SCN1A: variants seen among roughly 807,000 people sequenced by gnomAD.
The protein encoded by SCN1A is sodium channel protein type 1 subunit alpha.
SCN1A carries 13 observed loss-of-function variants against 193.7 expected under a neutral mutation model. The ratio of observed to expected loss-of-function variants is 0.07; its 90% confidence interval spans 0.04 to 0.11. The LOEUF (loss-of-function observed/expected upper bound fraction) is 0.11. Among genes scored for constraint, SCN1A ranks in the 10% least tolerant of loss-of-function variants. The pLI is 1.00. For missense variants in SCN1A, 1,432 were observed against 2,451.1 expected (o/e 0.58, Z 8.78); for synonymous variants, 781 against 843.6 (o/e 0.93, Z 1.29).
At chr2:166,125,490 C>T (rs966562473) in intron 2 of SCN1A, among the ~76,000 whole-genome samples, 6 of 152,138 alleles carry the variant, frequency 3.9e-5, no homozygotes, top group African/African-American at 9.7e-5. Flanking sequence ...TGGTGACGTC[C>T]TAGAGGTAAC....
Position 165,986,939 on chromosome 2 carries a change from T to C in SCN1A, c.*4306A>G, listed in dbSNP as rs191707326. On this transcript the variant is annotated 3_prime_UTR_variant, in exon 29 of 29. Coordinates refer to ENST00000674923, the MANE Select transcript of SCN1A (RefSeq NM_001165963.4). ...CTAGTCTTAACAAAATTAGGAAAAT[T>C]AACACTATTATAATACTAATAACTA... is the stretch of plus-strand genomic sequence containing the variant. The C allele has an allele frequency of 6.6e-6, 1 of 152,232 alleles. No individual in the cohort carries two copies. The highest frequency in any genetic ancestry group is 1.5e-5 in the Non-Finnish European group (1 of 67,980). The allele number at this position is 152,232 out of a possible 1,614,324, so 9.4% of individuals were successfully genotyped here. A position where few individuals can be genotyped will look rare whatever the true frequency, so the allele number is the denominator to read the frequency against.
chr2:165,991,818 T>A lies in SCN1A; in HGVS notation c.5457A>T (p.Ala1819=). The change falls in exon 29 of 29, where the codon GCA becomes GCT. Residue 1819 remains alanine, a synonymous_variant. Transcript: ENST00000674923. Reference sequence around the variant, plus strand: ...ATTTTTCAAATTCCATGAACTGAGTTGCATCGGGATCAAACTTCTCCCAAA... The same window carrying A: ...ATTTTTCAAATTCCATGAACTGAGTAGCATCGGGATCAAACTTCTCCCAAA... ...YEVWEKFDPD[A]TQFMEFEKLS... 1.2e-6 allele frequency: 2 copies of A among 1,613,952 alleles called. No homozygotes were observed. Among genetic ancestry groups the A allele is most frequent in the Admixed American group, 3.3e-5 (2 of 59,986 alleles).
In SCN1A at chr2:165,988,114, T is replaced by A. The variant is rs1688722018; in HGVS notation, c.*3131A>T. 6.6e-6 allele frequency: 1 copy of A among 152,140 alleles called. No homozygotes were observed. Among genetic ancestry groups the A allele is most frequent in the Non-Finnish European group, 1.5e-5 (1 of 68,028 alleles). 9.4% of individuals were successfully genotyped at this position (152,140 alleles called of 1,614,324 possible). On this transcript the variant is annotated 3_prime_UTR_variant, in exon 29 of 29. Transcript: ENST00000674923. ...GCTTCTCGTTCCTCAGAAATTTAGATAGATTAATTTAGACTGTTAATTTTA... is the reference window on the plus strand; with the variant it reads ...GCTTCTCGTTCCTCAGAAATTTAGAAAGATTAATTTAGACTGTTAATTTTA...
rs1392862786 is a variant in SCN1A at position 166,040,068 on chromosome 2, G to A, written c.2416-472C>T. 2.6e-5 allele frequency among the ~76,000 whole-genome samples: 4 copies of A among 151,802 alleles called. No homozygotes were observed. The South Asian group carries it at 6.3e-4, about 24-fold the overall frequency. Reference sequence around the variant, plus strand: ...CGAGTAGCTGGGACTACAGGCGCCCGCCACCACGCCCGCCTAATTTTTTGT... The same window carrying A: ...CGAGTAGCTGGGACTACAGGCGCCCACCACCACGCCCGCCTAATTTTTTGT... On this transcript the variant is annotated intron_variant, in intron 16 of 28. Coordinates refer to ENST00000674923, the MANE Select transcript of SCN1A (RefSeq NM_001165963.4).
At chr2:166,052,688 T>C (rs1698710781) in intron 8 of SCN1A, among the ~76,000 whole-genome samples, 164 bp downstream of exon 8, 1 of 151,870 alleles carries the variant, frequency 6.6e-6, no homozygotes, top group Non-Finnish European at 1.5e-5. Context: ...CATAAGACAT[T>C]GTTAAACTCC....
intron 2 of SCN1A, among the ~76,000 whole-genome samples, chr2:166,085,063 G>C (rs1203598120): frequency 1.3e-5 from 2 of 152,138 alleles, no homozygotes; most frequent in African/African-American, 4.8e-5. Flanking sequence ...GACCACCCCT[G>C]TATATGAGTC....
Position 166,051,641 on chromosome 2 carries a change from C to T in SCN1A, c.964+78G>A. 4.4e-6 allele frequency: 5 copies of T among 1,136,562 alleles called. No individual in the cohort carries two copies. In the South Asian group the frequency reaches 4.5e-5, roughly 10 times the overall value. 70.4% of individuals were successfully genotyped at this position (1,136,562 alleles called of 1,614,324 possible). ...CATCATGTAAAATGGGATATCCAGC[C>T]CCTCAAGTATTTATCCTTTGTGTTA... On this transcript the variant is annotated intron_variant, in intron 9 of 28. Coordinates refer to ENST00000674923, the MANE Select transcript of SCN1A (RefSeq NM_001165963.4).
chr2:166,001,774 G>A (rs1690883625), intron 24 of SCN1A, among the ~76,000 whole-genome samples: 1 of 150,854 alleles, frequency 6.6e-6, no homozygotes, highest in Non-Finnish European at 1.5e-5. Flanking sequence ...TAATATTTAG[G>A]ACAAAATAGA....
In SCN1A at chr2:166,090,029, CTTTTTTTT is replaced by C. The variant is rs545740675; in HGVS notation, c.-141-12236_-141-12229del. Among the ~76,000 whole-genome samples, 277 of 71,418 alleles carry C rather than the reference CTTTTTTTT, an allele frequency of 3.9e-3. 1 individual carries two copies. Among genetic ancestry groups the C allele is most frequent in the African/African-American group, 0.014 (268 of 18,838 alleles). The allele number at this position is 71,418 out of a possible 152,430, so 46.9% of individuals were successfully genotyped here. The stretch of plus-strand genomic sequence containing the variant: ...TCTTCCTTCCTTCCTTCCTTCTTTC[CTTTTTTTT>C]TTTTTTTTTTTTTTTTTTTTGATAT... On this transcript the variant is annotated intron_variant, in intron 2 of 28. Coordinates refer to ENST00000674923, the MANE Select transcript of SCN1A (RefSeq NM_001165963.4).
intron 4 of SCN1A, among the ~76,000 whole-genome samples, chr2:166,068,295 A>G (rs996664417): frequency 1.3e-5 from 2 of 152,220 alleles, no homozygotes; most frequent in African/African-American, 4.8e-5. Flanking sequence ...AAAAATGCCA[A>G]GCATCATTTT....
intron 7 of SCN1A, 122 bp from the exon 8 acceptor site, chr2:166,053,065 G>A: frequency 7.1e-7 from 1 of 1,412,666 alleles, no homozygotes; most frequent in Non-Finnish European, 1.0e-6. Context: ...AGTTTTCAAA[G>A]CTCTCAAGAC....
At position 166,009,797 on chromosome 2, in the gene SCN1A, T is replaced by A. The variant is rs121917910; in HGVS notation, c.3924A>T (p.Glu1308Asp). Reference sequence around the variant, plus strand: ...TCCTGAGAGATTTGATGGCTCCAAGTTCTGAGTAACCCAAGGCATTTGCTG... The same window carrying A: ...TCCTGAGAGATTTGATGGCTCCAAGATCTGAGTAACCCAAGGCATTTGCTG... Reference protein sequence around the residue: ...SLTANALGYSELGAIKSLRTL... With the variant: ...SLTANALGYSDLGAIKSLRTL... Residue 1308 changes from glutamate (E) to aspartate (D), a missense_variant, in exon 23 of 29, where the codon GAA becomes GAT. By Grantham distance (45) the Glu-to-Asp change is conservative. Coordinates refer to ENST00000674923, the MANE Select transcript of SCN1A (RefSeq NM_001165963.4). The A allele has an allele frequency of 8.5e-4, 1,369 of 1,607,484 alleles. No individual in the cohort carries two copies. The highest frequency in any genetic ancestry group is 1.1e-3 in the Non-Finnish European group (1,246 of 1,175,332).
intron 16 of SCN1A, 58 bp from the exon 17 acceptor site, chr2:166,039,654 A>G: frequency 6.8e-7 from 1 of 1,467,274 alleles, no homozygotes. Flanking sequence ...ATGACATAAG[A>G]TTTGCTCTTA....
chr2:166,118,989 T>C (rs1193862692), intron 2 of SCN1A, among the ~76,000 whole-genome samples: 1 of 152,198 alleles, frequency 6.6e-6, no homozygotes, highest in Non-Finnish European at 1.5e-5. Context: ...CATTAGAATC[T>C]CATAAGGAGC....
At chr2:166,103,054 CT>C (rs1375556328) in intron 2 of SCN1A, among the ~76,000 whole-genome samples, 4 of 147,190 alleles carry the variant, frequency 2.7e-5, no homozygotes, top group Non-Finnish European at 6.0e-5. Context: ...TCAAGCCTGA[CT>C]TTAGATTTGG....
chr2:166,101,991 T>C (rs866463667), intron 2 of SCN1A, among the ~76,000 whole-genome samples: 2 of 152,214 alleles, frequency 1.3e-5, no homozygotes, highest in South Asian at 2.1e-4. Flanking sequence ...GAAGGTCTAA[T>C]ATCCAGTATC....
chr2:166,011,865 G>T (rs1467435798), intron 22 of SCN1A, among the ~76,000 whole-genome samples: 1 of 151,160 alleles, frequency 6.6e-6, no homozygotes, highest in Non-Finnish European at 1.5e-5. Flanking sequence ...CTGATGTGTT[G>T]TTTTTTCTTT....
intron 10 of SCN1A, 60 bp downstream of exon 10, chr2:166,048,826 G>T: frequency 9.4e-7 from 1 of 1,062,972 alleles, no homozygotes; most frequent in South Asian, 1.3e-5. Context: ...AGAGAGAAAA[G>T]ATACACATAT....
At chr2:166,138,704 C>G (rs1166041118) in intron 1 of SCN1A, among the ~76,000 whole-genome samples, 2 of 152,100 alleles carry the variant, frequency 1.3e-5, no homozygotes, top group African/African-American at 4.8e-5. Context: ...GGGGTCAGAG[C>G]CCCCACACAG....
Sources: gnomAD v4.1 joint callset for allele counts (sites outside exome capture counted in the v4.1 genomes callset) on GRCh38, gnomAD v4.1.1 for gene constraint, MANE v1.5 for transcripts, NCBI Gene and HGNC (gene_info 2026-07-23, HGNC 2026-07-21) for gene names.